The following BRWD3 variants were observed in gnomAD, a reference collection of about 807,000 sequenced individuals.
BRWD3 encodes bromodomain and WD repeat domain containing 3.
In BRWD3, 10 loss-of-function variants were observed where a neutral mutation model predicts 149.7. The ratio of observed to expected loss-of-function variants is 0.07; its 90% CI spans 0.04 to 0.11. The LOEUF (loss-of-function observed/expected upper bound fraction) is 0.11, where lower values mean the gene tolerates loss of function less well. Ranked by LOEUF, BRWD3 falls within the 10% of genes least tolerant of loss-of-function variation. BRWD3 has a pLI of 1.00. For missense variants in BRWD3, 940 were observed against 1,373.2 expected (o/e 0.68, Z 4.99); for synonymous variants, 504 against 456.7 (o/e 1.10, Z -1.32).
Position 80,735,152 on chromosome X carries a change from C to G in BRWD3, c.960G>C (p.Gln320His). The part of the protein sequence containing the change: ...KFTERSRPGV[Q>H]ISCSSFSSGG... ...CAGAACTGAAAGATGAACAAGATAT[C>G]TGGACTCCAGGTCTGGATCTCTCAG... The change falls in exon 10 of 41, where the codon CAG (glutamine) becomes CAC (histidine). Residue 320 changes from glutamine to histidine, a missense_variant. By Grantham distance (24) the Gln-to-His change is conservative (BLOSUM62 0). Coordinates refer to ENST00000373275, the MANE Select transcript of BRWD3 (RefSeq NM_153252.5). The G allele has an allele frequency of 8.3e-7, 1 of 1,206,958 alleles. No individual in the cohort carries two copies. Among genetic ancestry groups the G allele is most frequent in the Non-Finnish European group, 1.1e-6 (1 of 891,406 alleles).
At position 80,809,806 on chromosome X, in the gene BRWD3, G is replaced by GAGA. The variant is rs2074394865; in HGVS notation, c.-336_-335insTCT. The GAGA allele has an allele frequency of 1.8e-5, 1 of 55,276 alleles. No individual in the cohort carries two copies. 4.6% of individuals were successfully genotyped at this position (55,276 alleles called of 1,213,427 possible). ...GAGAGAGAGAGAGAGAGAGAGAGAC[G>GAGA]CGGGGGGTGGGGGGGCGGAGAGAGA... On this transcript the variant is annotated 5_prime_UTR_variant, in exon 1 of 41. Coordinates refer to ENST00000373275, the MANE Select transcript of BRWD3 (RefSeq NM_153252.5).
rs1487021847 is a variant in BRWD3 at position 80,674,364 on chromosome X, A to T, written c.*2245T>A. On this transcript the variant is annotated 3_prime_UTR_variant, in exon 41 of 41. Coordinates refer to ENST00000373275, the MANE Select transcript of BRWD3 (RefSeq NM_153252.5). ...GCTCCAGATAGCCAAAATCACACAAATGTCAATTCTTCTACATTTCAAGAG... is the reference window on the plus strand; with the variant it reads ...GCTCCAGATAGCCAAAATCACACAATTGTCAATTCTTCTACATTTCAAGAG... 3 of 111,749 alleles carry T rather than the reference A, an allele frequency of 2.7e-5. No individual in the cohort carries two copies. The highest frequency in any genetic ancestry group is 9.7e-5 in the African/African-American group (3 of 30,849). The allele number at this position is 111,749 out of a possible 1,213,427, so 9.2% of individuals were successfully genotyped here. A position where few individuals can be genotyped will look rare whatever the true frequency, so the allele number is the denominator to read the frequency against.
In BRWD3 at chrX:80,691,038, TAA is replaced by T; in HGVS notation, c.3602+13_3602+14del. ...AGCTATAAATTTTATAATAAGTGAT[TAA>T]AAAAAAACAGACCTGTAAAAGCGAT... On this transcript the variant is annotated intron_variant, in intron 31 of 40. Transcript: ENST00000373275. The T allele has an allele frequency of 8.5e-7, 1 of 1,182,755 alleles. No individual in the cohort carries two copies. The highest frequency in any genetic ancestry group is 3.0e-5 in the East Asian group (1 of 33,111).
At chrX:80,797,670 A>G (rs997645865) in intron 4 of BRWD3, among the ~76,000 whole-genome samples, 5 of 112,264 alleles carry the variant, frequency 4.5e-5, no homozygotes, top group Admixed American at 9.5e-5. Flanking sequence ...TTCAGCAAAT[A>G]CAACTTACTC....
intron 17 of BRWD3, among the ~76,000 whole-genome samples, chrX:80,721,413 C>T (rs745504545): frequency 6.3e-5 from 7 of 111,683 alleles, no homozygotes; most frequent in Non-Finnish European, 1.1e-4. Flanking sequence ...ATGTGTAATA[C>T]CATTTCCCTG....
In BRWD3 at chrX:80,676,486, T is replaced by C; in HGVS notation, c.*123A>G. 3 of 880,041 alleles carry C rather than the reference T, an allele frequency of 3.4e-6. No individual in the cohort carries two copies. In the East Asian group the frequency reaches 1.0e-4, roughly 30 times the overall value. The allele number at this position is 880,041 out of a possible 1,213,427, so 72.5% of individuals were successfully genotyped here. ...TGAAACAAATGTATACTGGCATAAA[T>C]GGAAAAGCACCAATGTGAAAGGAAG... is the stretch of plus-strand genomic sequence containing the variant. On this transcript the variant is annotated 3_prime_UTR_variant, in exon 41 of 41. Transcript: ENST00000373275.
intron 20 of BRWD3, chrX:80,710,814 G>A: frequency 2.7e-6 from 1 of 365,007 alleles, no homozygotes; most frequent in Non-Finnish European, 5.1e-6. Context: ...TATGTTTTAG[G>A]AATCAGTCCA....
intron 19 of BRWD3, 71 bp downstream of exon 19, chrX:80,717,502 T>C: frequency 3.0e-6 from 3 of 1,008,278 alleles, no homozygotes; most frequent in Non-Finnish European, 4.2e-6. Context: ...TAGGCTAACA[T>C]AGTACATTTC....
intron 4 of BRWD3, among the ~76,000 whole-genome samples, chrX:80,800,030 C>G (rs897359601): frequency 9.1e-6 from 1 of 110,341 alleles, no homozygotes; most frequent in African/African-American, 3.3e-5. Context: ...GCTGCAAGTG[C>G]CCAGAGGTCA....
Position 80,799,532 on chromosome X carries a change from GTTGA to G in BRWD3, c.181-5764_181-5761del, listed in dbSNP as rs1466441514. ...GTAACATTTTGCCTGGGTCTGATTG[GTTGA>G]TTGATTTAGAGGACAGAACAGGCAT... On this transcript the variant is annotated intron_variant, in intron 4 of 40. Coordinates refer to ENST00000373275, the MANE Select transcript of BRWD3 (RefSeq NM_153252.5). 2.7e-5 allele frequency among the ~76,000 whole-genome samples: 3 copies of G among 112,125 alleles called. No homozygotes were observed. The East Asian group carries it at 8.4e-4, about 31-fold the overall frequency.
intron 22 of BRWD3, among the ~76,000 whole-genome samples, chrX:80,705,746 G>T (rs1408027817): frequency 8.9e-6 from 1 of 111,822 alleles, no homozygotes; most frequent in Non-Finnish European, 1.9e-5. Flanking sequence ...TCTACACAAT[G>T]CTAAGTGTAT....
chrX:80,759,044 G>A (rs1197187926), intron 6 of BRWD3, among the ~76,000 whole-genome samples: 2 of 111,594 alleles, frequency 1.8e-5, no homozygotes, highest in Non-Finnish European at 3.8e-5. Context: ...AAAATAGTAA[G>A]AGCACAATGT....
Position 80,670,108 on chromosome X carries a change from T to C in BRWD3, c.*6501A>G, listed in dbSNP as rs1359228117. Among the ~76,000 whole-genome samples, 3 of 111,482 alleles carry C rather than the reference T, an allele frequency of 2.7e-5. No individual in the cohort carries two copies. Among genetic ancestry groups the C allele is most frequent in the Non-Finnish European group, 3.8e-5 (2 of 53,084 alleles). On this transcript the variant is annotated 3_prime_UTR_variant, in exon 41 of 41. Transcript: ENST00000373275. ...GTCACAGATGGCAAAGAAAAATCTA[T>C]TAAAGTTACATAGAAAGGAAAGGAA... is the stretch of plus-strand genomic sequence containing the variant.
At chrX:80,800,920 C>G (rs1157062721) in intron 4 of BRWD3, among the ~76,000 whole-genome samples, 2 of 110,231 alleles carry the variant, frequency 1.8e-5, no homozygotes, top group African/African-American at 6.6e-5. Flanking sequence ...AGAAGCGACC[C>G]TCCTAGGGTC....
chrX:80,733,532 T>C (rs751952639), intron 11 of BRWD3, 36 bp from the exon 12 acceptor site: 2 of 1,099,844 alleles, frequency 1.8e-6, no homozygotes, highest in South Asian at 3.8e-5. Flanking sequence ...TAAAATGGAC[T>C]TATTTGTAAA....
intron 20 of BRWD3, among the ~76,000 whole-genome samples, chrX:80,713,329 C>T (rs895600993): frequency 2.7e-5 from 3 of 112,241 alleles, no homozygotes; most frequent in East Asian, 2.8e-4. Flanking sequence ...GGAGACTTTT[C>T]GTTTTGTTCT....
At chrX:80,705,114 A>C (rs1035208771) in intron 22 of BRWD3, among the ~76,000 whole-genome samples, 3 of 110,795 alleles carry the variant, frequency 2.7e-5, no homozygotes, top group African/African-American at 9.9e-5. Context: ...AAAAATACAA[A>C]AATTAGCCGG....
chrX:80,787,953 G>A (rs1186894580), intron 6 of BRWD3, among the ~76,000 whole-genome samples: 2 of 109,347 alleles, frequency 1.8e-5, no homozygotes, highest in South Asian at 3.9e-4. Context: ...GCGTGGTGGC[G>A]GGCGCTTGTA....
At chrX:80,748,560 C>T (rs1366798504) in intron 6 of BRWD3, among the ~76,000 whole-genome samples, 1 of 112,179 alleles carries the variant, frequency 8.9e-6, no homozygotes, top group Admixed American at 9.5e-5. Flanking sequence ...CCGACTCAAT[C>T]TCATTACTTG....
Sources: allele counts gnomAD v4.1 joint callset (sites outside exome capture counted in the v4.1 genomes callset), GRCh38; gene constraint gnomAD v4.1.1; transcripts MANE v1.5; gene names NCBI Gene and HGNC (gene_info 2026-07-23, HGNC 2026-07-21).